Variants in ARHGAP29 observed in about 807,000 individuals in gnomAD.
The protein encoded by ARHGAP29 is rho GTPase-activating protein 29.
A neutral mutation model predicts 122.6 loss-of-function variants in ARHGAP29; 43 were observed. The observed-to-expected ratio is 0.35, with a 90% CI of 0.27 to 0.45. ARHGAP29 has a LOEUF of 0.45. Among genes scored for constraint, ARHGAP29 ranks in the 20% least tolerant of loss-of-function variants. The pLI is 1.00. For synonymous variants in ARHGAP29, 506 were observed against 497.1 expected (o/e 1.02, Z -0.24); for missense variants, 1,303 against 1,477.2 (o/e 0.88, Z 1.93).
intron 22 of ARHGAP29, 37 bp from the exon 23 acceptor site, chr1:94,174,786 A>G: frequency 6.3e-7 from 1 of 1,591,690 alleles, no homozygotes; most frequent in Non-Finnish European, 8.6e-7. Context: ...TTTGTGGCAC[A>G]TGGTTAATAA....
intron 12 of ARHGAP29, chr1:94,192,422 C>G (rs3789692): frequency 0.093 from 14,210 of 152,064 alleles, 993 homozygotes; most frequent in African/African-American, 0.19. Context: ...CCTTTCTGGC[C>G]CAAGGAACAA....
upstream of ARHGAP29, among the ~76,000 whole-genome samples, chr1:94,277,481 A>C (rs1345011807): frequency 6.6e-6 from 1 of 152,174 alleles, no homozygotes; most frequent in Admixed American, 6.5e-5. Flanking sequence ...TACTTTTACC[A>C]TTTTAAATTT....
At chr1:94,209,633 T>C (rs1016357767) in intron 3 of ARHGAP29, among the ~76,000 whole-genome samples, 2 of 152,188 alleles carry the variant, frequency 1.3e-5, no homozygotes, top group African/African-American at 2.4e-5. Flanking sequence ...AATCCATCAG[T>C]GCTGGAGTCA....
intron 20 of ARHGAP29, among the ~76,000 whole-genome samples, chr1:94,178,770 G>A (rs1288652160): frequency 2.6e-5 from 4 of 152,142 alleles, no homozygotes; most frequent in Non-Finnish European, 4.4e-5. Flanking sequence ...GATGGTCAGC[G>A]CATGCAAGAC....
intron 6 of ARHGAP29, among the ~76,000 whole-genome samples, 169 bp downstream of exon 6, chr1:94,205,466 T>C (rs1570536162): frequency 6.6e-6 from 1 of 152,166 alleles, no homozygotes; most frequent in Non-Finnish European, 1.5e-5. Flanking sequence ...ATATTATCTA[T>C]CTACTCTAGC....
chr1:94,198,462 C>A lies in ARHGAP29; in HGVS notation c.1281+3258G>T, dbSNP rs542862955. On this transcript the variant is annotated intron_variant, in intron 12 of 22. Transcript: ENST00000260526. Reference sequence around the variant, plus strand: ...CTCCAGCCTGAGTGACAGAGTAAAACCCTGTCTCAAAAAACAAAAACAAAC... The same window carrying A: ...CTCCAGCCTGAGTGACAGAGTAAAAACCTGTCTCAAAAAACAAAAACAAAC... Among the ~76,000 whole-genome samples the A allele has an allele frequency of 2.6e-5, 4 of 152,136 alleles. No individual in the cohort carries two copies. In the South Asian group the frequency reaches 8.3e-4, roughly 31 times the overall value.
At chr1:94,212,881 A>G (rs1651727928) in intron 3 of ARHGAP29, among the ~76,000 whole-genome samples, 1 of 152,078 alleles carries the variant, frequency 6.6e-6, no homozygotes, top group Non-Finnish European at 1.5e-5. Context: ...TCTTTCCTAC[A>G]TTCTCCAAAA....
At chr1:94,242,146 A>G (rs1653613462), upstream of ARHGAP29, among the ~76,000 whole-genome samples, 2 of 152,140 alleles carry the variant, frequency 1.3e-5, no homozygotes, top group Non-Finnish European at 2.9e-5. Context: ...AAACACAACA[A>G]GGATTGGCAA....
At chr1:94,182,333 G>A (rs944736275) in intron 19 of ARHGAP29, among the ~76,000 whole-genome samples, 2 of 152,042 alleles carry the variant, frequency 1.3e-5, no homozygotes, top group African/African-American at 4.8e-5. Flanking sequence ...ACCTGTCCAG[G>A]TTGTCAAGTA....
chr1:94,279,247 G>C (rs1000612249), upstream of ARHGAP29, among the ~76,000 whole-genome samples: 1 of 152,198 alleles, frequency 6.6e-6, no homozygotes, highest in East Asian at 1.9e-4. Flanking sequence ...TGTGCAGTTA[G>C]TGGACAGCTG....
chr1:94,194,468 A>T (rs899122000), intron 12 of ARHGAP29: 2 of 152,236 alleles, frequency 1.3e-5, no homozygotes, highest in African/African-American at 4.8e-5. Context: ...CCACAGAGTG[A>T]CTTAACAAAG....
chr1:94,278,939 T>C (rs1027977581), upstream of ARHGAP29, among the ~76,000 whole-genome samples: 2 of 152,208 alleles, frequency 1.3e-5, no homozygotes, highest in Non-Finnish European at 2.9e-5. Flanking sequence ...TGCACAAATG[T>C]GATTTCAGTG....
chr1:94,243,636 G>C (rs1368891308), intron 1 of ARHGAP29, among the ~76,000 whole-genome samples: 3 of 151,872 alleles, frequency 2.0e-5, no homozygotes, highest in Admixed American at 2.0e-4. Context: ...TAAGAAGCTA[G>C]AAAACAAAGA....
intron 5 of ARHGAP29, among the ~76,000 whole-genome samples, chr1:94,205,941 G>A (rs1438734847): frequency 6.6e-6 from 1 of 152,160 alleles, no homozygotes; most frequent in African/African-American, 2.4e-5. Flanking sequence ...TAACATTAAT[G>A]AATCCATTCA....
At chr1:94,192,107 A>C (rs1650164510) in intron 12 of ARHGAP29, 2 of 152,310 alleles carry the variant, frequency 1.3e-5, no homozygotes, top group Admixed American at 6.5e-5. Flanking sequence ...TATATTAATT[A>C]ATCAAAATTT....
At chr1:94,231,734 T>G in intron 1 of ARHGAP29, 91 bp from the exon 2 acceptor site, 1 of 928,108 alleles carries the variant, frequency 1.1e-6, no homozygotes, top group East Asian at 2.5e-5. Context: ...ACACTAGATT[T>G]TCACAAACAG....
In ARHGAP29 at chr1:94,185,331, A is replaced by G. The variant is rs768971634; in HGVS notation, c.1920+11T>C. The G allele has an allele frequency of 3.8e-6, 6 of 1,565,368 alleles. No individual in the cohort carries two copies. The African/African-American group carries it at 8.3e-5, about 22-fold the overall frequency. ...CATAAAAGGGTCAACACAATTCCAC[A>G]AAGATCTTACCTCTTCACATTCAAC... On this transcript the variant is annotated intron_variant, in intron 17 of 22. Coordinates refer to ENST00000260526, the MANE Select transcript of ARHGAP29 (RefSeq NM_004815.4).
At chr1:94,178,287 A>G in intron 20 of ARHGAP29, 120 bp from the exon 21 acceptor site, 1 of 882,444 alleles carries the variant, frequency 1.1e-6, no homozygotes. Context: ...CTAGGGGGAA[A>G]AAGTCTAGGA....
chr1:94,237,559 CCACAGCCACAGG>C lies in ARHGAP29; in HGVS notation c.-189_-178del, dbSNP rs1330933779. 1 of 991,330 alleles carries C rather than the reference CCACAGCCACAGG, an allele frequency of 1.0e-6. No individual in the cohort carries two copies. Among genetic ancestry groups the C allele is most frequent in the East Asian group, 1.1e-4 (1 of 8,976 alleles). 61.4% of individuals were successfully genotyped at this position (991,330 alleles called of 1,614,324 possible). A position where few individuals can be genotyped will look rare whatever the true frequency, so the allele number is the denominator to read the frequency against. On this transcript the variant is annotated 5_prime_UTR_variant, in exon 1 of 23. Coordinates refer to ENST00000260526, the MANE Select transcript of ARHGAP29 (RefSeq NM_004815.4). ...ATCTCAGCCGCAGCCGCAGCCGCAGCCACAGCCACAGGCACCACCACCACTGCAGCCGCCACC... is the reference window on the plus strand; with the variant it reads ...ATCTCAGCCGCAGCCGCAGCCGCAGCCACCACCACCACTGCAGCCGCCACC...
Sources: allele counts gnomAD v4.1 joint callset (sites outside exome capture counted in the v4.1 genomes callset), GRCh38; gene constraint gnomAD v4.1.1; transcripts MANE v1.5; gene names NCBI Gene and HGNC (gene_info 2026-07-23, HGNC 2026-07-21).